CALHM4: variants seen among roughly 807,000 people sequenced by gnomAD.
CALHM4 encodes the protein calcium homeostasis modulator protein 4.
CALHM4 carries 16 observed loss-of-function variants against 13.3 expected under a neutral mutation model. The observed-to-expected ratio is 1.20, with a 90% CI of 0.81 to 1.82. The LOEUF (loss-of-function observed/expected upper bound fraction) is 1.82, where lower values mean the gene tolerates loss of function less well. Among genes scored for constraint, CALHM4 ranks in the 40% most tolerant of loss-of-function variants. The pLI, the probability that CALHM4 is intolerant of heterozygous loss-of-function variation, is 0.00. For missense variants in CALHM4, 344 were observed against 374.9 expected, an observed-to-expected ratio of 0.92 and a Z score of 0.68; for synonymous variants, 127 against 137.1, an observed-to-expected ratio of 0.93 and a Z score of 0.52.
rs1457749524 is a variant in CALHM4, at chr6:116,558,483, T to C, written c.*272T>C. 10 of 356,884 alleles carry C rather than the reference T, an allele frequency of 2.8e-5. No individual in the cohort carries two copies. In the Admixed American group the frequency reaches 4.4e-4, roughly 16 times the overall value. 22.1% of individuals were successfully genotyped at this position (356,884 alleles called of 1,614,324 possible). A position where few individuals can be genotyped will look rare whatever the true frequency, so the allele number is the denominator to read the frequency against. ...TCTTAGTTCTGTTACTTAGTAGCTG[T>C]GTGAAAATTAATATTTCTGAGTGCC... On this transcript the variant is annotated 3_prime_UTR_variant, in exon 2 of 2. Transcript: ENST00000368596.
At chr6:116,543,595 G>A (rs1198542471) in intron 1 of CALHM4, among the ~76,000 whole-genome samples, 1 of 152,090 alleles carries the variant, frequency 6.6e-6, no homozygotes, top group East Asian at 1.9e-4. Flanking sequence ...TGTGAGGTGG[G>A]GGAGAGAGAG....
chr6:116,545,582 A>AGTCCATGT, intron 2 of CALHM4: 11 of 1,396,792 alleles, frequency 7.9e-6, no homozygotes, highest in Non-Finnish European at 8.8e-6. Flanking sequence ...GAGGTGTATC[A>AGTCCATGT]GTCCATGTCT....
At position 116,530,740 on chromosome 6, in the gene CALHM4, A is replaced by G. The variant is rs914561256; in HGVS notation, c.-109+1550A>G. Among the ~76,000 whole-genome samples the G allele has an allele frequency of 2.0e-4, 31 of 151,838 alleles. 1 individual carries two copies. The highest frequency in any genetic ancestry group is 2.9e-5 in the Non-Finnish European group (2 of 67,976). ...TATTATTATCTGCAAATGTATAACA[A>G]AGACAGTTTTGTCTACTTCAATACC... On this transcript the variant is annotated intron_variant, in intron 1 of 2. Coordinates refer to the CALHM4 transcript ENST00000368597.
chr6:116,553,706 A>G, upstream of CALHM4: 1 of 1,212,254 alleles, frequency 8.2e-7, no homozygotes, highest in Non-Finnish European at 1.1e-6. Context: ...AACCAGTTAA[A>G]CCAGTAAGAT....
upstream of CALHM4, among the ~76,000 whole-genome samples, chr6:116,551,953 T>G (rs1251437237): frequency 6.6e-6 from 1 of 152,242 alleles, no homozygotes; most frequent in Non-Finnish European, 1.5e-5. Flanking sequence ...TTTAGTTGTA[T>G]ATTTTGAAAT....
chr6:116,538,080 T>A (rs1773206410), intron 1 of CALHM4, among the ~76,000 whole-genome samples: 1 of 152,350 alleles, frequency 6.6e-6, no homozygotes, highest in Non-Finnish European at 1.5e-5. Context: ...TAATAATTTT[T>A]AAAAGTTACC....
At chr6:116,549,969 T>A, upstream of CALHM4, among the ~76,000 whole-genome samples, 1 of 124,090 alleles carries the variant, frequency 8.1e-6, no homozygotes, top group African/African-American at 3.0e-5. Context: ...AGAGCAAAAC[T>A]CCATCTTAAA....
upstream of CALHM4, among the ~76,000 whole-genome samples, chr6:116,549,755 C>A (rs1275720494): frequency 1.3e-5 from 2 of 151,294 alleles, no homozygotes; most frequent in African/African-American, 4.9e-5. Context: ...GTAGGTGGAT[C>A]ACCTGAGGTC....
At chr6:116,556,397 A>G (rs553969718) in intron 1 of CALHM4, among the ~76,000 whole-genome samples, 1 of 152,312 alleles carries the variant, frequency 6.6e-6, no homozygotes, top group South Asian at 2.1e-4. Context: ...TGTATTACAC[A>G]TGGGGGAAGG....
At position 116,554,458 on chromosome 6, in the gene CALHM4, A is replaced by G; in HGVS notation, c.558+107A>G. 4 of 963,944 alleles carry G rather than the reference A, an allele frequency of 4.1e-6. No homozygotes were observed. In the South Asian group the frequency reaches 7.2e-5, roughly 17 times the overall value. The allele number at this position is 963,944 out of a possible 1,614,324, so 59.7% of individuals were successfully genotyped here. A position where few individuals can be genotyped will look rare whatever the true frequency, so the allele number is the denominator to read the frequency against. The stretch of plus-strand genomic sequence containing the variant: ...TTCTTATATTCTCTGATTATAGAAC[A>G]CAATACTAGATGCTGTTCATCAAAG... On this transcript the variant is annotated intron_variant, in intron 1 of 1. Coordinates refer to ENST00000368596, the MANE Select transcript of CALHM4 (RefSeq NM_001366078.2).
Position 116,547,210 on chromosome 6 carries a change from G to A in CALHM4, c.-1+3338G>A, listed in dbSNP as rs144316009. On this transcript the variant is annotated intron_variant, in intron 2 of 2. Coordinates refer to the CALHM4 transcript ENST00000368597. ...AAAAGCTTACTAAGGTGCAGGGACA[G>A]CATGTTGCTGGGTCAATTTGTGGGC... Among the ~76,000 whole-genome samples, 811 of 152,244 alleles carry A rather than the reference G, an allele frequency of 5.3e-3. 8 individuals carry two copies. The highest frequency in any genetic ancestry group is 0.018 in the African/African-American group (767 of 41,532).
At chr6:116,545,373 C>A in intron 2 of CALHM4, 1 of 1,007,276 alleles carries the variant, frequency 9.9e-7, no homozygotes, top group Non-Finnish European at 1.5e-6. Flanking sequence ...CTTTCCTCCA[C>A]TAAAAATTCT....
intron 1 of CALHM4, chr6:116,543,328 C>T (rs1395945046): frequency 6.5e-7 from 1 of 1,549,392 alleles, no homozygotes; most frequent in East Asian, 2.4e-5. Context: ...TGGTTCACAT[C>T]TTCATCCTTC....
rs1283006305 is a variant in CALHM4 at position 116,560,163 on chromosome 6, A to G, written c.*1952A>G. ...GCTCCAGTTCTAAAATTCTGTTCCT[A>G]TATAACTGATAATTTTTTATATTCT... On this transcript the variant is annotated 3_prime_UTR_variant, in exon 2 of 2. Coordinates refer to ENST00000368596, the MANE Select transcript of CALHM4 (RefSeq NM_001366078.2). Among the ~76,000 whole-genome samples, 1 of 152,146 alleles carries G rather than the reference A, an allele frequency of 6.6e-6. No homozygotes were observed. The highest frequency in any genetic ancestry group is 1.5e-5 in the Non-Finnish European group (1 of 68,008).
At chr6:116,537,803 C>A (rs1713489671) in intron 1 of CALHM4, among the ~76,000 whole-genome samples, 1 of 152,174 alleles carries the variant, frequency 6.6e-6, no homozygotes, top group South Asian at 2.1e-4. Flanking sequence ...CTCCCCTCTT[C>A]CCTTCCTCTT....
At chr6:116,544,984 T>C (rs1773685904) in intron 2 of CALHM4, among the ~76,000 whole-genome samples, 1 of 151,974 alleles carries the variant, frequency 6.6e-6, no homozygotes, top group South Asian at 2.1e-4. Context: ...ACCTGGAATA[T>C]ATAGAAAGGA....
chr6:116,560,581 ACACCCC>A lies in CALHM4; in HGVS notation c.*2371_*2376del. On this transcript the variant is annotated 3_prime_UTR_variant, in exon 2 of 2. Coordinates refer to ENST00000368596, the MANE Select transcript of CALHM4 (RefSeq NM_001366078.2). ...TATGTGAACATTTAAAAGGTAGTAC[ACACCCC>A]TGGGATTTCATCTTACAGTACATTA... Among the ~76,000 whole-genome samples, 1 of 145,472 alleles carries A rather than the reference ACACCCC, an allele frequency of 6.9e-6. No individual in the cohort carries two copies. The highest frequency in any genetic ancestry group is 1.5e-5 in the Non-Finnish European group (1 of 66,714).
intron 1 of CALHM4, among the ~76,000 whole-genome samples, chr6:116,536,933 C>T (rs191250671): frequency 2.0e-5 from 3 of 152,280 alleles, no homozygotes; most frequent in East Asian, 1.9e-4. Context: ...ACAGGCCCGA[C>T]GTTTGGATGA....
At chr6:116,546,516 C>T (rs1249803541) in intron 2 of CALHM4, among the ~76,000 whole-genome samples, 1 of 152,126 alleles carries the variant, frequency 6.6e-6, no homozygotes, top group African/African-American at 2.4e-5. Context: ...AATACTTTGA[C>T]GAAAAGTGTG....
Sources: allele counts gnomAD v4.1 joint callset (sites outside exome capture counted in the v4.1 genomes callset), GRCh38; gene constraint gnomAD v4.1.1; transcripts MANE v1.5; gene names NCBI Gene and HGNC (gene_info 2026-07-23, HGNC 2026-07-21).